KHDRBS2: variants seen among roughly 807,000 people sequenced by gnomAD.
KHDRBS2 encodes the protein KH RNA binding domain containing, signal transduction associated 2.
A neutral mutation model predicts 44.3 loss-of-function variants in KHDRBS2; 26 were observed. The ratio of observed to expected loss-of-function variants is 0.59; its 90% confidence interval spans 0.43 to 0.81. The LOEUF (loss-of-function observed/expected upper bound fraction) is 0.81, where lower values mean the gene tolerates loss of function less well. Among genes scored for constraint, KHDRBS2 ranks in the 40% least tolerant of loss-of-function variants. The pLI, the probability that KHDRBS2 is intolerant of heterozygous loss-of-function variation, is 0.00. For missense variants in KHDRBS2, 476 were observed against 433.1 expected (o/e 1.10, Z -0.88); for synonymous variants, 194 against 151.1 (o/e 1.28, Z -2.08).
the KHDRBS2 span, among the ~76,000 whole-genome samples, chr6:61,548,302 C>T: frequency 2.6e-5 from 4 of 152,036 alleles, no homozygotes; most frequent in Non-Finnish European, 5.9e-5. Context: ...ATATATATAG[C>T]AACAATTTTC....
At chr6:61,976,230 A>G (rs1772626374) in intron 4 of KHDRBS2, among the ~76,000 whole-genome samples, 1 of 152,158 alleles carries the variant, frequency 6.6e-6, no homozygotes, top group Non-Finnish European at 1.5e-5. Flanking sequence ...CCATCAGTCA[A>G]ACTATCAAGT....
chr6:62,258,413 A>G (rs944751043), intron 1 of KHDRBS2, among the ~76,000 whole-genome samples: 16 of 152,042 alleles, frequency 1.1e-4, no homozygotes, highest in Non-Finnish European at 2.4e-4. Context: ...TATTAATGGT[A>G]TGTCATACTT....
intron 2 of KHDRBS2, among the ~76,000 whole-genome samples, chr6:62,163,005 C>G (rs1175100063): frequency 6.6e-6 from 1 of 151,888 alleles, no homozygotes; most frequent in East Asian, 1.9e-4. Context: ...GTAAGTAAGT[C>G]TTGGAGAGAG....
chr6:61,572,265 T>A, the KHDRBS2 span, among the ~76,000 whole-genome samples: 4 of 151,840 alleles, frequency 2.6e-5, no homozygotes, highest in African/African-American at 9.7e-5. Flanking sequence ...CTAGATTAAA[T>A]AAGGAAGAAA....
chr6:61,884,676 T>C (rs1417770670), intron 6 of KHDRBS2, among the ~76,000 whole-genome samples: 1 of 152,090 alleles, frequency 6.6e-6, no homozygotes, highest in Non-Finnish European at 1.5e-5. Context: ...CACATAACAG[T>C]AACCTTTGTT....
At chr6:61,967,514 G>A (rs1770294264) in intron 4 of KHDRBS2, among the ~76,000 whole-genome samples, 1 of 151,854 alleles carries the variant, frequency 6.6e-6, no homozygotes, top group African/African-American at 2.4e-5. Context: ...GCTGAAAGGA[G>A]AGTTATAAAG....
intron 6 of KHDRBS2, among the ~76,000 whole-genome samples, chr6:61,858,606 C>A (rs1796477816): frequency 6.6e-6 from 1 of 151,870 alleles, no homozygotes; most frequent in Admixed American, 6.6e-5. Flanking sequence ...TTTACTGTAT[C>A]AATTTTCCGG....
chr6:62,228,098 G>GT (rs745974195), intron 1 of KHDRBS2, among the ~76,000 whole-genome samples: 3 of 152,132 alleles, frequency 2.0e-5, no homozygotes, highest in Non-Finnish European at 2.9e-5. Context: ...GAAAAAAATG[G>GT]TACCAGCTCC....
chr6:62,120,010 A>G (rs928555387), intron 2 of KHDRBS2, among the ~76,000 whole-genome samples: 2 of 152,220 alleles, frequency 1.3e-5, no homozygotes, highest in Non-Finnish European at 2.9e-5. Flanking sequence ...ATCAGGAAAC[A>G]GGCATGGGAA....
At chr6:61,842,924 ACTATCTGTATAGATTACAGATAGATAAT>A (rs767838645) in intron 6 of KHDRBS2, among the ~76,000 whole-genome samples, 6 of 150,666 alleles carry the variant, frequency 4.0e-5, no homozygotes, top group African/African-American at 7.3e-5. Flanking sequence ...ATACAGATAA[ACTATCTGTATAGATTACAGATAGATAAT>A]CTATCTGTAT....
chr6:62,192,278 T>C (rs1421696916), intron 1 of KHDRBS2, among the ~76,000 whole-genome samples: 1 of 152,134 alleles, frequency 6.6e-6, no homozygotes, highest in East Asian at 1.9e-4. Flanking sequence ...CAATTGCATT[T>C]ATTTCCAGAA....
At chr6:61,992,168 A>G (rs1776260510) in intron 3 of KHDRBS2, among the ~76,000 whole-genome samples, 1 of 152,182 alleles carries the variant, frequency 6.6e-6, no homozygotes, top group African/African-American at 2.4e-5. Context: ...ACTTGATCAT[A>G]TTAGTTCCTG....
rs1802572575 is a variant in KHDRBS2, at chr6:61,894,646, A to T, written c.799T>A (p.Tyr267Asn). The T allele has an allele frequency of 1.2e-6, 2 of 1,610,838 alleles. No individual in the cohort carries two copies. The highest frequency in any genetic ancestry group is 1.7e-6 in the Non-Finnish European group (2 of 1,179,012). Residue 267 changes from tyrosine (Y) to asparagine (N), a missense_variant, in exon 6 of 9, where the codon TAT becomes AAT. By Grantham distance (143) the Tyr-to-Asn change is moderately radical. Transcript: ENST00000281156. ...RAPPPPAHEA[Y>N]EEYGYDDGYG... Reference sequence around the variant, plus strand: ...TTAAGAGTACTTACATATTCTTCATAAGCTTCATGGGCTGGAGGAGGAGGT... The same window carrying T: ...TTAAGAGTACTTACATATTCTTCATTAGCTTCATGGGCTGGAGGAGGAGGT...
chr6:61,786,844 A>G (rs1007718698), intron 6 of KHDRBS2, among the ~76,000 whole-genome samples: 1 of 151,834 alleles, frequency 6.6e-6, no homozygotes, highest in Non-Finnish European at 1.5e-5. Context: ...CATGAGGAAT[A>G]TGTGCTTTGT....
At chr6:61,906,172 C>T (rs1282169769) in intron 4 of KHDRBS2, among the ~76,000 whole-genome samples, 1 of 152,050 alleles carries the variant, frequency 6.6e-6, no homozygotes, top group Non-Finnish European at 1.5e-5. Flanking sequence ...ACGTCCAAAT[C>T]TAGGGATAGC....
At chr6:61,570,518 C>A in the KHDRBS2 span, among the ~76,000 whole-genome samples, 7 of 152,090 alleles carry the variant, frequency 4.6e-5, no homozygotes, top group Admixed American at 6.6e-5. Context: ...AGGAAAACTT[C>A]TTTGACCTTG....
intron 8 of KHDRBS2, among the ~76,000 whole-genome samples, chr6:61,683,827 G>A (rs1454387958): frequency 6.6e-6 from 1 of 151,798 alleles, no homozygotes; most frequent in Non-Finnish European, 1.5e-5. Context: ...CTCAAGGCTA[G>A]GAAAATGGAA....
chr6:61,557,215 T>C, the KHDRBS2 span, among the ~76,000 whole-genome samples: 1 of 152,192 alleles, frequency 6.6e-6, no homozygotes, highest in East Asian at 1.9e-4. Flanking sequence ...TATTGCATTA[T>C]ATATGCTTAT....
chr6:62,229,438 T>C (rs978023935), intron 1 of KHDRBS2, among the ~76,000 whole-genome samples: 1 of 152,164 alleles, frequency 6.6e-6, no homozygotes, highest in African/African-American at 2.4e-5. Context: ...ATTAGTGTGT[T>C]AGGCAGCTAT....
Sources: gnomAD v4.1 joint callset for allele counts (sites outside exome capture counted in the v4.1 genomes callset) on GRCh38, gnomAD v4.1.1 for gene constraint, MANE v1.5 for transcripts, NCBI Gene and HGNC (gene_info 2026-07-23, HGNC 2026-07-21) for gene names.